TPTE2: variants seen among roughly 807,000 people sequenced by gnomAD.
The protein encoded by TPTE2 is transmembrane phosphoinositide 3-phosphatase and tensin homolog 2.
In TPTE2, 53 loss-of-function variants were observed where a neutral mutation model predicts 78.6. The observed-to-expected ratio is 0.67, with a 90% CI of 0.54 to 0.85. TPTE2 has a LOEUF of 0.85. Ranked by LOEUF, TPTE2 falls within the 40% of genes least tolerant of loss-of-function variation. TPTE2 has a pLI of 0.00. For synonymous variants in TPTE2, 175 were observed against 206.2 expected, an observed-to-expected ratio of 0.85 and a Z score of 1.30; for missense variants, 461 against 623.0, an observed-to-expected ratio of 0.74 and a Z score of 2.77.
intron 10 of TPTE2, among the ~76,000 whole-genome samples, chr13:19,459,942 C>T (rs2137551483): frequency 1.3e-5 from 2 of 152,314 alleles, no homozygotes; most frequent in South Asian, 4.1e-4. Flanking sequence ...CAACCCGCTG[C>T]TGTTGGCAGG....
chr13:19,542,333 T>C, the TPTE2 span, among the ~76,000 whole-genome samples: 1 of 152,162 alleles, frequency 6.6e-6, no homozygotes, highest in African/African-American at 2.4e-5. Flanking sequence ...AGTCTCCTGC[T>C]CAGGGTCTCA....
At chr13:19,506,842 A>T (rs919807946), upstream of TPTE2, among the ~76,000 whole-genome samples, 7 of 152,210 alleles carry the variant, frequency 4.6e-5, no homozygotes, top group African/African-American at 1.7e-4. Flanking sequence ...GCAGCCCTAG[A>T]AACTAATATA....
At chr13:19,495,058 G>A (rs537291411) in intron 1 of TPTE2, among the ~76,000 whole-genome samples, 35 of 152,286 alleles carry the variant, frequency 2.3e-4, no homozygotes, top group Middle Eastern at 3.4e-3. Context: ...TTTTTGGAGA[G>A]CATTTAATTC....
At chr13:19,560,468 C>T in the TPTE2 span, 4 of 1,601,378 alleles carry the variant, frequency 2.5e-6, no homozygotes, top group Middle Eastern at 2.2e-4. Context: ...CGCTGGGCCA[C>T]ACCCGGCACC....
chr13:19,508,151 C>A (rs1411600600), upstream of TPTE2, among the ~76,000 whole-genome samples: 1 of 152,114 alleles, frequency 6.6e-6, no homozygotes, highest in East Asian at 1.9e-4. Flanking sequence ...AACCAGGACA[C>A]TTTTGAAAGG....
At chr13:19,478,132 A>G (rs1043975938) in intron 4 of TPTE2, among the ~76,000 whole-genome samples, 4 of 152,208 alleles carry the variant, frequency 2.6e-5, no homozygotes, top group African/African-American at 9.6e-5. Flanking sequence ...AACAAAAGCA[A>G]TGGCAACAAA....
At chr13:19,483,007 G>A (rs1880451139) in intron 3 of TPTE2, among the ~76,000 whole-genome samples, 2 of 152,294 alleles carry the variant, frequency 1.3e-5, no homozygotes, top group South Asian at 2.1e-4. Context: ...AGCCTGTTAA[G>A]TTTGCAATGG....
chr13:19,521,318 CT>C (rs1329054703), intron 1 of TPTE2, among the ~76,000 whole-genome samples: 7 of 144,928 alleles, frequency 4.8e-5, no homozygotes, highest in Non-Finnish European at 9.1e-5. Flanking sequence ...ATAAAATGTC[CT>C]TTGTTTTTAA....
At chr13:19,541,046 T>G (rs1025221285), upstream of TPTE2, among the ~76,000 whole-genome samples, 2 of 152,172 alleles carry the variant, frequency 1.3e-5, no homozygotes, top group African/African-American at 4.8e-5. Context: ...TAAAACTTAG[T>G]GTCCTCTTCT....
At chr13:19,455,035 C>T (rs551083030) in intron 10 of TPTE2, among the ~76,000 whole-genome samples, 12 of 152,306 alleles carry the variant, frequency 7.9e-5, no homozygotes, top group African/African-American at 2.9e-4. Context: ...TACTCCATGA[C>T]TGTGCCCATT....
chr13:19,558,672 A>T, the TPTE2 span, among the ~76,000 whole-genome samples: 2 of 152,334 alleles, frequency 1.3e-5, no homozygotes, highest in South Asian at 2.1e-4. Context: ...AGGGTTAACA[A>T]TCTTACATTT....
intron 1 of TPTE2, among the ~76,000 whole-genome samples, chr13:19,495,911 C>T (rs1247054177): frequency 1.3e-5 from 2 of 152,086 alleles, no homozygotes; most frequent in Admixed American, 1.3e-4. Flanking sequence ...CTCTGTCACC[C>T]AAGCTGGAGT....
chr13:19,555,431 T>A, the TPTE2 span, among the ~76,000 whole-genome samples: 1 of 152,214 alleles, frequency 6.6e-6, no homozygotes. Flanking sequence ...TTATTTGATG[T>A]GGTGGGAAAA....
intron 1 of TPTE2, among the ~76,000 whole-genome samples, chr13:19,516,002 T>C (rs1299929127): frequency 2.0e-5 from 3 of 152,188 alleles, no homozygotes; most frequent in African/African-American, 7.2e-5. Flanking sequence ...ATAAGCTGCT[T>C]TGGGGCACAG....
chr13:19,440,638 T>A (rs1315257843), intron 13 of TPTE2, among the ~76,000 whole-genome samples: 1 of 151,656 alleles, frequency 6.6e-6, no homozygotes, highest in Non-Finnish European at 1.5e-5. Flanking sequence ...GGCATGGTGG[T>A]GCACACCTGT....
intron 3 of TPTE2, among the ~76,000 whole-genome samples, chr13:19,487,983 C>A (rs2137627359): frequency 6.6e-6 from 1 of 152,260 alleles, no homozygotes; most frequent in Non-Finnish European, 1.5e-5. Flanking sequence ...TTCTGCTTAC[C>A]TTCACCCTGC....
chr13:19,466,382 T>A (rs1222544364), intron 7 of TPTE2, among the ~76,000 whole-genome samples: 1 of 152,236 alleles, frequency 6.6e-6, no homozygotes, highest in Non-Finnish European at 1.5e-5. Context: ...TCACTTAACA[T>A]GCTTTTAGTT....
intron 1 of TPTE2, among the ~76,000 whole-genome samples, chr13:19,499,212 A>T (rs1881593639): frequency 6.6e-6 from 1 of 152,112 alleles, no homozygotes; most frequent in African/African-American, 2.4e-5. Context: ...ACACTTTAAC[A>T]CCCCACTGTC....
the TPTE2 span, among the ~76,000 whole-genome samples, chr13:19,549,362 T>A: frequency 6.6e-6 from 1 of 152,016 alleles, no homozygotes; most frequent in Non-Finnish European, 1.5e-5. Context: ...CAGACGATTC[T>A]CAAAAAAAGA....
Sources: gnomAD v4.1 joint callset for allele counts (sites outside exome capture counted in the v4.1 genomes callset) on GRCh38, gnomAD v4.1.1 for gene constraint, MANE v1.5 for transcripts, NCBI Gene and HGNC (gene_info 2026-07-23, HGNC 2026-07-21) for gene names.